ZNF566: variants seen among roughly 807,000 people sequenced by gnomAD.
ZNF566 encodes zinc finger protein 566.
In ZNF566, 27 loss-of-function variants were observed where a neutral mutation model predicts 32.8. The observed-to-expected ratio is 0.82, with a 90% confidence interval of 0.61 to 1.14. ZNF566 has a LOEUF of 1.14. Ranked by LOEUF, ZNF566 falls within the 50% of genes most tolerant of loss-of-function variation. The pLI is 0.00. For synonymous variants in ZNF566, 154 were observed against 159.5 expected (o/e 0.97, Z 0.26); for missense variants, 402 against 490.4 (o/e 0.82, Z 1.70).
At chr19:36,475,598 T>C (rs1161461501) in intron 2 of ZNF566, among the ~76,000 whole-genome samples, 10 of 152,182 alleles carry the variant, frequency 6.6e-5, no homozygotes, top group Admixed American at 5.9e-4. Flanking sequence ...TAAATTCATA[T>C]TAATTCAATG....
chr19:36,483,825 C>T (rs770844045), intron 1 of ZNF566, among the ~76,000 whole-genome samples: 35 of 150,300 alleles, frequency 2.3e-4, no homozygotes, highest in Non-Finnish European at 4.4e-4. Context: ...AATTTATAGA[C>T]AAAAAAAAGG....
At chr19:36,450,487 A>G (rs1460571330) in intron 4 of ZNF566, among the ~76,000 whole-genome samples, 1 of 152,096 alleles carries the variant, frequency 6.6e-6, no homozygotes, top group Non-Finnish European at 1.5e-5. Context: ...TACTAAAAAT[A>G]TAAAAATCTA....
chr19:36,468,914 C>CA (rs892548959), intron 4 of ZNF566, among the ~76,000 whole-genome samples: 7 of 141,482 alleles, frequency 4.9e-5, no homozygotes, highest in Non-Finnish European at 9.2e-5. Flanking sequence ...GACCCTGTTT[C>CA]AAAAAAAAAA....
chr19:36,468,339 C>T (rs763224586), intron 4 of ZNF566, among the ~76,000 whole-genome samples: 3 of 151,730 alleles, frequency 2.0e-5, no homozygotes, highest in Non-Finnish European at 4.4e-5. Flanking sequence ...GGTGAAGTGG[C>T]TTGCTCCTGT....
intron 2 of ZNF566, among the ~76,000 whole-genome samples, chr19:36,475,597 A>G (rs1040542372): frequency 2.0e-5 from 3 of 152,194 alleles, no homozygotes; most frequent in Admixed American, 6.5e-5. Context: ...TTAAATTCAT[A>G]TTAATTCAAT....
chr19:36,483,334 G>C (rs1236134781), intron 1 of ZNF566, among the ~76,000 whole-genome samples: 1 of 152,180 alleles, frequency 6.6e-6, no homozygotes, highest in Non-Finnish European at 1.5e-5. Flanking sequence ...ACCAGAACCA[G>C]AGCAAAGACA....
rs181770864 is a variant in ZNF566, at chr19:36,473,256, C to T, written c.136+76G>A. 39 of 1,555,072 alleles carry T rather than the reference C, an allele frequency of 2.5e-5. No homozygotes were observed. The African/African-American group carries it at 2.7e-4, about 11-fold the overall frequency. On this transcript the variant is annotated intron_variant, in intron 3 of 4. Coordinates refer to ENST00000452939, the MANE Select transcript of ZNF566 (RefSeq NM_001145344.1). ...CAAAATTCGACTGGTTTTTGAAAGC[C>T]AGGTGAGCATTTCACATTGGAGGAA...
chr19:36,487,970 G>A (rs1234027188), intron 1 of ZNF566, among the ~76,000 whole-genome samples: 1 of 151,952 alleles, frequency 6.6e-6, no homozygotes, highest in African/African-American at 2.4e-5. Flanking sequence ...AGATTGTGTG[G>A]GGGAGAAATT....
chr19:36,451,595 C>T (rs1469982028), intron 4 of ZNF566, among the ~76,000 whole-genome samples: 1 of 152,058 alleles, frequency 6.6e-6, no homozygotes, highest in Non-Finnish European at 1.5e-5. Flanking sequence ...TAATTATAAG[C>T]TTTGTTTTCT....
rs2032974554 is a variant in ZNF566, at chr19:36,445,612, G to A, written c.*3365C>T. On this transcript the variant is annotated 3_prime_UTR_variant, in exon 5 of 5. Transcript: ENST00000452939. The stretch of plus-strand genomic sequence containing the variant: ...AGGAGGGTGGATCACCTGAGGTCAG[G>A]AGTTCGAGACCAGCCTGACCAACAT... 6.6e-6 allele frequency: 1 copy of A among 152,192 alleles called. No homozygotes were observed. The highest frequency in any genetic ancestry group is 1.5e-5 in the Non-Finnish European group (1 of 68,094). The allele number at this position is 152,192 out of a possible 1,614,324, so 9.4% of individuals were successfully genotyped here. A position where few individuals can be genotyped will look rare whatever the true frequency, so the allele number is the denominator to read the frequency against.
intron 2 of ZNF566, 143 bp from the exon 3 acceptor site, chr19:36,473,601 C>T (rs971342304): frequency 1.6e-6 from 1 of 642,630 alleles, no homozygotes; most frequent in Non-Finnish European, 2.4e-6. Context: ...GGACTGTAAA[C>T]AAATAAGCAC....
intron 4 of ZNF566, among the ~76,000 whole-genome samples, chr19:36,465,954 A>G (rs1354823681): frequency 1.3e-5 from 2 of 151,718 alleles, no homozygotes; most frequent in Non-Finnish European, 2.9e-5. Context: ...ATAAAGAGTA[A>G]GAAACACACA....
At chr19:36,481,491 A>G (rs111876021) in intron 1 of ZNF566, among the ~76,000 whole-genome samples, 15,406 of 134,752 alleles carry the variant, frequency 0.11, 1,014 homozygotes, top group Non-Finnish European at 0.13. Flanking sequence ...AAAAAAAAAA[A>G]AAAAGAAAAG....
In ZNF566 at chr19:36,461,674, A is replaced by AAAAAT. The variant is rs1036553829; in HGVS notation, c.232+11232_232+11236dup. The stretch of plus-strand genomic sequence containing the variant: ...CGACAGAGCGAGACTCTGTCTCAGA[A>AAAAAT]AAAATAAAATAAAATAAAATAAAAA... On this transcript the variant is annotated intron_variant, in intron 4 of 4. Transcript: ENST00000452939. 2.0e-5 allele frequency among the ~76,000 whole-genome samples: 3 copies of AAAAAT among 152,056 alleles called. No individual in the cohort carries two copies. In the South Asian group the frequency reaches 6.2e-4, roughly 32 times the overall value.
chr19:36,449,717 A>T lies in ZNF566; in HGVS notation c.517T>A (p.Ser173Thr). 1 of 1,614,136 alleles carries T rather than the reference A, an allele frequency of 6.2e-7. No individual in the cohort carries two copies. Among genetic ancestry groups the T allele is most frequent in the Non-Finnish European group, 8.5e-7 (1 of 1,180,026 alleles). ...CTAAAGGTTTTCCTATATTCTTTAG[A>T]TGCACAGAATTTCTTTTTACTGTTA... ...IINSKKKFCA[S>T]KEYRKTFRHG... is the part of the protein sequence containing the mutation. Residue 173 changes from serine (S) to threonine (T), a missense_variant, in exon 5 of 5, where the codon TCT becomes ACT. Around this residue, in one of 3 missense-constraint regions of ZNF566, gnomAD observed 220 missense variants for 241.9 expected, o/e 0.91. Coordinates refer to ENST00000452939, the MANE Select transcript of ZNF566 (RefSeq NM_001145344.1).
At chr19:36,480,759 G>A (rs1292783100) in intron 1 of ZNF566, among the ~76,000 whole-genome samples, 1 of 151,994 alleles carries the variant, frequency 6.6e-6, no homozygotes, top group Non-Finnish European at 1.5e-5. Flanking sequence ...GCCAGGCGTG[G>A]TGGCTTATGC....
intron 1 of ZNF566, among the ~76,000 whole-genome samples, chr19:36,488,237 C>A (rs895785141): frequency 6.6e-6 from 1 of 152,120 alleles, no homozygotes; most frequent in African/African-American, 2.4e-5. Flanking sequence ...GTGCCAGCCA[C>A]CATGCCCGGC....
intron 1 of ZNF566, among the ~76,000 whole-genome samples, chr19:36,488,080 T>C (rs2034215886): frequency 6.6e-6 from 1 of 152,060 alleles, no homozygotes; most frequent in Non-Finnish European, 1.5e-5. Flanking sequence ...TTGCACACTT[T>C]ATATAGGCTC....
intron 4 of ZNF566, among the ~76,000 whole-genome samples, chr19:36,467,783 T>C (rs1165466944): frequency 1.2e-5 from 1 of 81,784 alleles, no homozygotes; most frequent in Non-Finnish European, 2.1e-5. Context: ...AGAGCGAGAC[T>C]CCATCTCAAA....
Sources: allele counts gnomAD v4.1 joint callset (sites outside exome capture counted in the v4.1 genomes callset), GRCh38; gene constraint gnomAD v4.1.1; regional missense constraint gnomAD v4.1.1; transcripts MANE v1.5; gene names NCBI Gene and HGNC (gene_info 2026-07-23, HGNC 2026-07-21).